The following DNAAF6 variants were observed in gnomAD, a reference collection of about 807,000 sequenced individuals.
The protein encoded by DNAAF6 is dynein axonemal assembly factor 6, also known as PIH1 domain containing 3.
DNAAF6 carries 3 observed loss-of-function variants against 13.7 expected under a neutral mutation model. The observed-to-expected ratio is 0.22, with a 90% CI of 0.10 to 0.56. DNAAF6 has a LOEUF of 0.56. Ranked by LOEUF, DNAAF6 falls within the 20% of genes least tolerant of loss-of-function variation. The pLI is 0.92. For missense variants in DNAAF6, 130 were observed against 151.0 expected, an observed-to-expected ratio of 0.86 and a Z score of 0.73; for synonymous variants, 54 against 49.2, an observed-to-expected ratio of 1.10 and a Z score of -0.41.
chrX:107,243,260 A>T lies in DNAAF6; in HGVS notation c.607A>T (p.Thr203Ser). 3.3e-6 allele frequency: 4 copies of T among 1,209,581 alleles called. No homozygotes were observed. Among genetic ancestry groups the T allele is most frequent in the Non-Finnish European group, 4.5e-6 (4 of 894,837 alleles). The change falls in exon 7 of 7, where the codon ACT (threonine) becomes TCT (serine). Residue 203 changes from threonine (T) to serine (S), a missense_variant. By Grantham distance (58) the Thr-to-Ser change is moderately conservative. Coordinates refer to ENST00000372453, the MANE Select transcript of DNAAF6 (RefSeq NM_173494.2). ...PETETLEITMTMKRELDIANF... is the reference protein window; with the variant it reads ...PETETLEITMSMKRELDIANF... ...GACTGAAACTCTTGAAATCACTATG[A>T]CTATGAAAAGAGAGTTAGATATTGC...
chrX:107,211,218 C>G (rs1927847848), intron 1 of DNAAF6, among the ~76,000 whole-genome samples: 1 of 111,698 alleles, frequency 9.0e-6, no homozygotes, highest in Non-Finnish European at 1.9e-5. Context: ...TCTAAAAATT[C>G]ACAAACTGTT....
Position 107,216,758 on chromosome X carries a change from A to G in DNAAF6, c.226+15A>G. The G allele has an allele frequency of 9.0e-7, 1 of 1,117,112 alleles. No individual in the cohort carries two copies. Among genetic ancestry groups the G allele is most frequent in the South Asian group, 2.0e-5 (1 of 50,466 alleles). 92.1% of individuals were successfully genotyped at this position (1,117,112 alleles called of 1,213,427 possible). On this transcript the variant is annotated intron_variant, in intron 3 of 6. Coordinates refer to ENST00000372453, the MANE Select transcript of DNAAF6 (RefSeq NM_173494.2). ...AGAGCTCAAAGGTAAGTTATTTAAC[A>G]AAGCAATATAGATCAATATAATCTT...
chrX:107,212,176 C>T (rs1349163327), intron 1 of DNAAF6, among the ~76,000 whole-genome samples: 1 of 111,210 alleles, frequency 9.0e-6, no homozygotes, highest in African/African-American at 3.3e-5. Context: ...CAGAATTAAT[C>T]TGGTTTTTCT....
At chrX:107,223,395 G>A (rs1183712916) in intron 5 of DNAAF6, among the ~76,000 whole-genome samples, 2 of 111,545 alleles carry the variant, frequency 1.8e-5, no homozygotes, top group Non-Finnish European at 3.8e-5. Flanking sequence ...TGACGCTACC[G>A]AATGTTGGAG....
chrX:107,216,734 G>A lies in DNAAF6; in HGVS notation c.217G>A (p.Glu73Lys), dbSNP rs752698098. 14 of 1,183,770 alleles carry A rather than the reference G, an allele frequency of 1.2e-5. No homozygotes were observed. The highest frequency in any genetic ancestry group is 1.3e-5 in the Non-Finnish European group (11 of 873,717). Residue 73 changes from glutamate to lysine, a missense_variant, in exon 3 of 7, where the codon GAG (glutamate) becomes AAG (lysine). By Grantham distance (56) the Glu-to-Lys change is moderately conservative. Transcript: ENST00000372453. ...GAATATTGGACCACCCCAAATAGAA[G>A]AGCTCAAAGGTAAGTTATTTAACAA... ...PGNIGPPQIE[E>K]LKVIPETSEE...
chrX:107,228,307 A>C, intron 5 of DNAAF6, among the ~76,000 whole-genome samples: 1 of 111,896 alleles, frequency 8.9e-6, no homozygotes, highest in South Asian at 3.7e-4. Context: ...GAAAGCTGAG[A>C]AGTGAAGAGG....
At chrX:107,237,648 G>A (rs1014810167) in intron 5 of DNAAF6, among the ~76,000 whole-genome samples, 5 of 111,616 alleles carry the variant, frequency 4.5e-5, no homozygotes, top group African/African-American at 9.8e-5. Context: ...CTCCATTTCC[G>A]CAGCCCCTAG....
intron 4 of DNAAF6, among the ~76,000 whole-genome samples, chrX:107,219,762 T>G (rs1482749063): frequency 1.8e-5 from 2 of 109,985 alleles, no homozygotes; most frequent in Non-Finnish European, 3.8e-5. Flanking sequence ...GCAAGTGATC[T>G]GACAACTTTT....
chrX:107,241,022 C>A (rs1352662109), intron 6 of DNAAF6, among the ~76,000 whole-genome samples: 1 of 111,967 alleles, frequency 8.9e-6, no homozygotes, highest in East Asian at 2.8e-4. Flanking sequence ...TGAGTTGCAG[C>A]TCAGTAGCTA....
At chrX:107,234,124 A>G (rs1202013399) in intron 5 of DNAAF6, among the ~76,000 whole-genome samples, 1 of 92,732 alleles carries the variant, frequency 1.1e-5, no homozygotes, top group Non-Finnish European at 2.0e-5. Context: ...TGTGGTGGAG[A>G]GGAGGTATGC....
In DNAAF6 at chrX:107,216,653, C is replaced by T. The variant is rs1202199246; in HGVS notation, c.154-18C>T. 3.5e-6 allele frequency: 4 copies of T among 1,148,550 alleles called. No homozygotes were observed. Among genetic ancestry groups the T allele is most frequent in the African/African-American group, 1.8e-5 (1 of 55,658 alleles). The allele number at this position is 1,148,550 out of a possible 1,213,427, so 94.7% of individuals were successfully genotyped here. On this transcript the variant is annotated intron_variant, in intron 2 of 6. Coordinates refer to ENST00000372453, the MANE Select transcript of DNAAF6 (RefSeq NM_173494.2). The stretch of plus-strand genomic sequence containing the variant: ...CAAGTATTAATTACAGAATATTGAA[C>T]TTTTTCTCCTCCCTCAGACAAATGG...
chrX:107,210,181 A>G (rs1190424233), intron 1 of DNAAF6, among the ~76,000 whole-genome samples: 1 of 111,674 alleles, frequency 9.0e-6, no homozygotes, highest in Non-Finnish European at 1.9e-5. Context: ...AAATGTTGCC[A>G]TTAGCATTGG....
intron 1 of DNAAF6, chrX:107,207,123 G>A (rs1053304608): frequency 9.0e-6 from 1 of 111,538 alleles, no homozygotes; most frequent in African/African-American, 3.3e-5. Context: ...AGCAGCCACT[G>A]TACCCTTCTG....
chrX:107,209,271 TA>T (rs60973577), intron 1 of DNAAF6, among the ~76,000 whole-genome samples: 40,200 of 110,066 alleles, frequency 0.37, 8,009 homozygotes, highest in African/African-American at 0.76. Context: ...AAAGCTGATT[TA>T]AAAAAAATAA....
At chrX:107,229,377 C>G (rs910261195) in intron 5 of DNAAF6, among the ~76,000 whole-genome samples, 2 of 108,405 alleles carry the variant, frequency 1.8e-5, no homozygotes, top group Non-Finnish European at 3.8e-5. Context: ...CTGCCTGCCT[C>G]GGCCTTTCAA....
chrX:107,219,400 A>G (rs1234618726), intron 4 of DNAAF6, among the ~76,000 whole-genome samples: 1 of 111,482 alleles, frequency 9.0e-6, no homozygotes, highest in Non-Finnish European at 1.9e-5. Context: ...CCAATTATCA[A>G]TTATTACCCA....
intron 6 of DNAAF6, among the ~76,000 whole-genome samples, chrX:107,240,415 T>C (rs1200477263): frequency 3.6e-5 from 4 of 111,925 alleles, no homozygotes; most frequent in African/African-American, 1.3e-4. Context: ...AATTGCATTA[T>C]CGGGAATGTG....
At chrX:107,217,246 G>A (rs1487796053) in intron 3 of DNAAF6, among the ~76,000 whole-genome samples, 5 of 111,603 alleles carry the variant, frequency 4.5e-5, no homozygotes, top group Non-Finnish European at 5.7e-5. Flanking sequence ...AGAAAGTCAC[G>A]TGTGGTTAGA....
chrX:107,233,096 A>G (rs1750605762), intron 5 of DNAAF6, among the ~76,000 whole-genome samples: 1 of 111,576 alleles, frequency 9.0e-6, no homozygotes, highest in Admixed American at 9.5e-5. Context: ...ACAGGAGGTA[A>G]TCTTAGAAAT....
Sources: allele counts gnomAD v4.1 joint callset (sites outside exome capture counted in the v4.1 genomes callset), GRCh38; gene constraint gnomAD v4.1.1; transcripts MANE v1.5; gene names NCBI Gene and HGNC (gene_info 2026-07-23, HGNC 2026-07-21).